Variants in MEIS1 observed in about 807,000 individuals in gnomAD.
MEIS1 encodes the protein Meis homeobox 1, also known as homeobox protein Meis1.
A neutral mutation model predicts 50.8 loss-of-function variants in MEIS1; 5 were observed. The ratio of observed to expected loss-of-function variants is 0.10; its 90% confidence interval spans 0.05 to 0.21. MEIS1 has a LOEUF of 0.21. Ranked by LOEUF, MEIS1 falls within the 10% of genes least tolerant of loss-of-function variation. MEIS1 has a pLI of 1.00. For missense variants in MEIS1, 318 were observed against 517.3 expected (o/e 0.61, Z 3.74); for synonymous variants, 176 against 179.3 (o/e 0.98, Z 0.15).
chr2:66,532,109 G>A (rs562108192), intron 8 of MEIS1, among the ~76,000 whole-genome samples: 2 of 152,194 alleles, frequency 1.3e-5, no homozygotes, highest in Non-Finnish European at 2.9e-5. Context: ...ATGGGAATTA[G>A]TTTTGATGAG....
chr2:66,516,898 A>G (rs895624437), intron 8 of MEIS1, among the ~76,000 whole-genome samples: 3 of 152,208 alleles, frequency 2.0e-5, no homozygotes, highest in Non-Finnish European at 4.4e-5. Context: ...TGGAAGAATT[A>G]TTCTGTAAAC....
rs185324068 is a variant in MEIS1, at chr2:66,450,011, T to A, written c.630+6963T>A. Among the ~76,000 whole-genome samples the A allele has an allele frequency of 5.1e-3, 784 of 152,296 alleles. 3 individuals are homozygous for A. Among genetic ancestry groups the A allele is most frequent in the Non-Finnish European group, 8.1e-3 (554 of 68,002 alleles). On this transcript the variant is annotated intron_variant, in intron 6 of 12. Coordinates refer to ENST00000272369, the MANE Select transcript of MEIS1 (RefSeq NM_002398.3). Reference sequence around the variant, plus strand: ...TATACAATCAAATACAAATTACAGCTGGAGTTGTATAGCTGTATATCAATA... The same window carrying A: ...TATACAATCAAATACAAATTACAGCAGGAGTTGTATAGCTGTATATCAATA...
intron 9 of MEIS1, among the ~76,000 whole-genome samples, chr2:66,564,295 C>G (rs1462944034): frequency 6.6e-6 from 1 of 152,152 alleles, no homozygotes; most frequent in Admixed American, 6.5e-5. Context: ...TTAATAACAA[C>G]AAACAGTTCT....
intron 10 of MEIS1, 153 bp downstream of exon 10, chr2:66,567,664 C>A: frequency 1.4e-6 from 1 of 730,138 alleles, no homozygotes; most frequent in Non-Finnish European, 2.5e-6. Context: ...CATAACAACA[C>A]TAATCAATTT....
chr2:66,538,643 C>T (rs1674575670), intron 8 of MEIS1, among the ~76,000 whole-genome samples: 1 of 152,174 alleles, frequency 6.6e-6, no homozygotes, highest in Admixed American at 6.5e-5. Flanking sequence ...GTAGCTGCAT[C>T]ATCACTGGGA....
intron 6 of MEIS1, among the ~76,000 whole-genome samples, chr2:66,447,916 A>G (rs956477010): frequency 6.6e-6 from 1 of 152,212 alleles, no homozygotes; most frequent in Non-Finnish European, 1.5e-5. Flanking sequence ...TACTAATGCT[A>G]CTTTGTACAA....
intron 8 of MEIS1, among the ~76,000 whole-genome samples, chr2:66,541,617 G>C (rs998935389): frequency 6.6e-6 from 1 of 152,058 alleles, no homozygotes; most frequent in Non-Finnish European, 1.5e-5. Context: ...AAAAACAAAC[G>C]CTAAACAAAA....
intron 2 of MEIS1, chr2:66,439,578 T>C: frequency 1.3e-6 from 2 of 1,526,112 alleles, no homozygotes; most frequent in East Asian, 2.5e-5. Context: ...GTAGCAAATG[T>C]TGCCAATTTC....
At chr2:66,461,953 G>A (rs1672530564) in intron 6 of MEIS1, 1 of 449,950 alleles carries the variant, frequency 2.2e-6, no homozygotes, top group Non-Finnish European at 4.5e-6. Context: ...CTTAGCTAAA[G>A]CTATGCAGAA....
chr2:66,523,962 A>T (rs1189300302), intron 8 of MEIS1, among the ~76,000 whole-genome samples: 1 of 152,204 alleles, frequency 6.6e-6, no homozygotes, highest in Non-Finnish European at 1.5e-5. Context: ...AATACAGTCA[A>T]AATGTTGATT....
intron 7 of MEIS1, among the ~76,000 whole-genome samples, chr2:66,464,878 C>G (rs1330827937): frequency 6.6e-6 from 1 of 152,200 alleles, no homozygotes; most frequent in East Asian, 1.9e-4. Context: ...AAAGTTTAAA[C>G]ATCAAGCTAG....
At chr2:66,542,412 G>A (rs2103918799) in intron 8 of MEIS1, among the ~76,000 whole-genome samples, 1 of 152,236 alleles carries the variant, frequency 6.6e-6, no homozygotes, top group East Asian at 1.9e-4. Context: ...GATAAAAGAA[G>A]TTCTGAAATT....
intron 8 of MEIS1, among the ~76,000 whole-genome samples, chr2:66,530,346 G>T (rs1674359760): frequency 6.6e-6 from 1 of 152,186 alleles, no homozygotes; most frequent in South Asian, 2.1e-4. Context: ...TTTTTCACAT[G>T]TTAAAATGAA....
intron 7 of MEIS1, among the ~76,000 whole-genome samples, chr2:66,491,571 G>A (rs1028126293): frequency 2.0e-5 from 3 of 152,152 alleles, no homozygotes; most frequent in Admixed American, 2.0e-4. Context: ...TGTTTACGCT[G>A]TTTCCACTCT....
intron 6 of MEIS1, among the ~76,000 whole-genome samples, chr2:66,450,934 C>T (rs1359093136): frequency 6.6e-6 from 1 of 151,738 alleles, no homozygotes; most frequent in African/African-American, 2.4e-5. Context: ...TTTTTCTGCC[C>T]TTTGGAAACC....
At chr2:66,567,156 T>C (rs927222584) in intron 9 of MEIS1, among the ~76,000 whole-genome samples, 2 of 152,156 alleles carry the variant, frequency 1.3e-5, no homozygotes, top group African/African-American at 4.8e-5. Flanking sequence ...GTGGCTAGTA[T>C]TGTTTCCTGA....
At chr2:66,564,753 A>T (rs1675299028) in intron 9 of MEIS1, among the ~76,000 whole-genome samples, 1 of 151,290 alleles carries the variant, frequency 6.6e-6, no homozygotes, top group African/African-American at 2.4e-5. Flanking sequence ...TTTAAGTTCT[A>T]GGGTACATGT....
chr2:66,532,218 C>T (rs747626136), intron 8 of MEIS1, among the ~76,000 whole-genome samples: 3 of 152,016 alleles, frequency 2.0e-5, no homozygotes, highest in Non-Finnish European at 2.9e-5. Context: ...TTTCGATTCT[C>T]TACAAAATAT....
At chr2:66,515,786 G>A (rs1426061961) in intron 8 of MEIS1, among the ~76,000 whole-genome samples, 1 of 152,100 alleles carries the variant, frequency 6.6e-6, no homozygotes, top group Non-Finnish European at 1.5e-5. Context: ...AATAATAAGA[G>A]AGAATTAGAA....
Sources: gnomAD v4.1 joint callset for allele counts (sites outside exome capture counted in the v4.1 genomes callset) on GRCh38, gnomAD v4.1.1 for gene constraint, MANE v1.5 for transcripts, NCBI Gene and HGNC (gene_info 2026-07-23, HGNC 2026-07-21) for gene names.